Variants in RNASE3 observed in about 807,000 individuals in gnomAD.
RNASE3 encodes the protein eosinophil cationic protein.
For synonymous variants in RNASE3, 66 were observed against 72.0 expected, an observed-to-expected ratio of 0.92 and a Z score of 0.42; for missense variants, 192 against 205.3, an observed-to-expected ratio of 0.94 and a Z score of 0.40.
In RNASE3 at chr14:20,891,893, T is replaced by A. The variant is rs777363353; in HGVS notation, c.207T>A (p.Thr69=). 8 of 1,612,892 alleles carry A rather than the reference T, an allele frequency of 5.0e-6. No homozygotes were observed. The highest frequency in any genetic ancestry group is 6.8e-6 in the Non-Finnish European group (8 of 1,180,012). Residue 69 remains threonine (T), a synonymous_variant, in exon 2 of 2, where the codon ACT becomes ACA. Coordinates refer to ENST00000304639, the MANE Select transcript of RNASE3 (RefSeq NM_002935.3). ...GATGGCGTTGCAAAAACCAAAATAC[T>A]TTTCTTCGTACAACTTTTGCTAATG... ...NYRWRCKNQN[T]FLRTTFANVV...
chr14:20,891,502 C>G, intron 1 of RNASE3, 51 bp downstream of exon 1: 1 of 761,156 alleles, frequency 1.3e-6, no homozygotes, highest in South Asian at 1.8e-5. Flanking sequence ...GACAGGGCAG[C>G]ACCTGAGGGA....
rs1877562896 is a variant in RNASE3, at chr14:20,891,762, C to T, written c.76C>T (p.His26Tyr). ...GCTTATGGGTGTGGAGGGCTCACTC[C>T]ATGCCAGACCCCCACAGTTTACGAG... ...LGLMGVEGSL[H>Y]ARPPQFTRAQ... Residue 26 changes from histidine to tyrosine, a missense_variant, in exon 2 of 2, where the codon CAT (histidine) becomes TAT (tyrosine). Transcript: ENST00000304639. 6.2e-7 allele frequency: 1 copy of T among 1,612,748 alleles called. No individual in the cohort carries two copies. The highest frequency in any genetic ancestry group is 8.5e-7 in the Non-Finnish European group (1 of 1,180,012).
rs536513883 is a variant in RNASE3, at chr14:20,891,909, TTTGC to T, written c.225_228del (p.Phe75LeufsTer3). ...CCAAAATACTTTTCTTCGTACAACT[TTTGC>T]TAATGTAGTTAATGTTTGTGGTAAC... is the stretch of plus-strand genomic sequence containing the variant. On this transcript the variant is annotated frameshift_variant, in exon 2 of 2. Transcript: ENST00000304639. LOFTEE classifies it low-confidence loss of function (END_TRUNC). The T allele has an allele frequency of 1.2e-5, 19 of 1,612,876 alleles. 2 individuals are homozygous for T. The African/African-American group carries it at 2.4e-4, about 21-fold the overall frequency.
Position 20,892,061 on chromosome 14 carries a change from T to G in RNASE3, c.375T>G (p.Tyr125Ter), listed in dbSNP as rs754792205. 9.3e-6 allele frequency: 15 copies of G among 1,612,526 alleles called. No homozygotes were observed. Among genetic ancestry groups the G allele is most frequent in the Admixed American group, 1.7e-5 (1 of 59,912 alleles). The change falls in exon 2 of 2, where the codon TAT becomes TAG. Residue 125 changes from tyrosine (Y) to a stop codon, truncating the protein, a stop_gained. Transcript: ENST00000304639. LOFTEE classifies it low-confidence loss of function (END_TRUNC). Reference sequence around the variant, plus strand: ...CACAGAATATTTCAAACTGCACGTATGCAGACAGACCAGGAAGGAGGTTCT... The same window carrying G: ...CACAGAATATTTCAAACTGCACGTAGGCAGACAGACCAGGAAGGAGGTTCT... The part of the protein sequence containing the change: ...PGAQNISNCT[Y>*]ADRPGRRFYV...
At position 20,891,397 on chromosome 14, in the gene RNASE3, AC is replaced by A. The variant is rs1395673047; in HGVS notation, c.-56del. 7.5e-5 allele frequency: 34 copies of A among 451,774 alleles called. No individual in the cohort carries two copies. The highest frequency in any genetic ancestry group is 1.3e-4 in the Non-Finnish European group (33 of 256,610). 28.0% of individuals were successfully genotyped at this position (451,774 alleles called of 1,614,324 possible). A position where few individuals can be genotyped will look rare whatever the true frequency, so the allele number is the denominator to read the frequency against. On this transcript the variant is annotated 5_prime_UTR_variant, in exon 1 of 2. Coordinates refer to ENST00000304639, the MANE Select transcript of RNASE3 (RefSeq NM_002935.3). The stretch of plus-strand genomic sequence containing the variant: ...AGTAGGGGAGACCAGCTGCCCCTGA[AC>A]CCCAGAACAACCAGCTGGATCAGTT...
At chr14:20,891,609 G>T in intron 1 of RNASE3, 73 bp from the exon 2 acceptor site, 1 of 1,523,996 alleles carries the variant, frequency 6.6e-7, no homozygotes, top group Admixed American at 2.2e-5. Context: ...GGGGCCTGTG[G>T]GTTGAGACAC....
In RNASE3 at chr14:20,891,745, G is replaced by A. The variant is rs775879390; in HGVS notation, c.59G>A (p.Gly20Asp). The A allele has an allele frequency of 1.9e-6, 3 of 1,612,608 alleles. No individual in the cohort carries two copies. The highest frequency in any genetic ancestry group is 2.2e-5 in the East Asian group (1 of 44,864). ...ICLLLLLGLM[G>D]VEGSLHARPP... The stretch of plus-strand genomic sequence containing the variant: ...CTGCTTCTTCTGTTGGGGCTTATGG[G>A]TGTGGAGGGCTCACTCCATGCCAGA... Residue 20 changes from glycine (G) to aspartate (D), a missense_variant, in exon 2 of 2, where the codon GGT becomes GAT. Gly to Asp is a moderately conservative substitution (Grantham distance 94, BLOSUM62 -1). Transcript: ENST00000304639.
In RNASE3 at chr14:20,892,231, T is replaced by C; in HGVS notation, c.*62T>C. Reference sequence around the variant, plus strand: ...CCAAGCTCCTCAATCATAGCCAAGATCCCATCCCTCCATGTACTCTGGGTA... The same window carrying C: ...CCAAGCTCCTCAATCATAGCCAAGACCCCATCCCTCCATGTACTCTGGGTA... On this transcript the variant is annotated 3_prime_UTR_variant, in exon 2 of 2. Coordinates refer to ENST00000304639, the MANE Select transcript of RNASE3 (RefSeq NM_002935.3). The C allele has an allele frequency of 6.4e-7, 1 of 1,558,380 alleles. No homozygotes were observed. The highest frequency in any genetic ancestry group is 8.7e-7 in the Non-Finnish European group (1 of 1,154,846).
chr14:20,892,033 G>A lies in RNASE3; in HGVS notation c.347G>A (p.Gly116Asp). The change falls in exon 2 of 2, where the codon GGT (glycine) becomes GAT (aspartate). Residue 116 changes from glycine to aspartate, a missense_variant. Coordinates refer to ENST00000304639, the MANE Select transcript of RNASE3 (RefSeq NM_002935.3). ...CTCCACTGTGACCTCATAAATCCAG[G>A]TGCACAGAATATTTCAAACTGCACG... ...PLLHCDLINP[G>D]AQNISNCTYA... is the part of the protein sequence containing the mutation. 6.2e-7 allele frequency: 1 copy of A among 1,612,726 alleles called. No individual in the cohort carries two copies. The highest frequency in any genetic ancestry group is 8.5e-7 in the Non-Finnish European group (1 of 1,180,020).
At chr14:20,891,582 C>T (rs902988887) in intron 1 of RNASE3, 100 bp from the exon 2 acceptor site, 1 of 1,471,968 alleles carries the variant, frequency 6.8e-7, no homozygotes, top group Non-Finnish European at 9.1e-7. Context: ...GAAATGCGAC[C>T]CCAGAGTGGC....
chr14:20,891,886 A>G lies in RNASE3; in HGVS notation c.200A>G (p.Gln67Arg), dbSNP rs752396079. ...INNYRWRCKN[Q>R]NTFLRTTFAN... The stretch of plus-strand genomic sequence containing the variant: ...AATTATCGATGGCGTTGCAAAAACC[A>G]AAATACTTTTCTTCGTACAACTTTT... Residue 67 changes from glutamine (Q) to arginine (R), a missense_variant, in exon 2 of 2, where the codon CAA becomes CGA. Gln to Arg is a conservative substitution (Grantham distance 43). Transcript: ENST00000304639. 6 of 1,612,950 alleles carry G rather than the reference A, an allele frequency of 3.7e-6. No individual in the cohort carries two copies. The highest frequency in any genetic ancestry group is 1.4e-5 in the African/African-American group (1 of 73,870).
chr14:20,891,451 G>C lies in RNASE3; in HGVS notation c.-6G>C. ...CACAGGAGCCACAGCTCAGAGACTG[G>C]GTAAGTCAACAATCCCCAGAGCTGG... On this transcript the variant is annotated splice_region_variant and 5_prime_UTR_variant, in exon 1 of 2. Coordinates refer to ENST00000304639, the MANE Select transcript of RNASE3 (RefSeq NM_002935.3). 1 of 577,290 alleles carries C rather than the reference G, an allele frequency of 1.7e-6. No individual in the cohort carries two copies. 35.8% of individuals were successfully genotyped at this position (577,290 alleles called of 1,614,324 possible). A position where few individuals can be genotyped will look rare whatever the true frequency, so the allele number is the denominator to read the frequency against.
intron 1 of RNASE3, 94 bp from the exon 2 acceptor site, chr14:20,891,588 G>T: frequency 6.7e-7 from 1 of 1,486,864 alleles, no homozygotes; most frequent in Non-Finnish European, 9.0e-7. Context: ...CGACCCCAGA[G>T]TGGCAGCAGA....
In RNASE3 at chr14:20,891,403, G is replaced by A. The variant is rs1329914370; in HGVS notation, c.-54G>A. The A allele has an allele frequency of 7.3e-5, 34 of 464,728 alleles. No individual in the cohort carries two copies. The highest frequency in any genetic ancestry group is 1.2e-4 in the Non-Finnish European group (33 of 264,524). 28.8% of individuals were successfully genotyped at this position (464,728 alleles called of 1,614,324 possible). On this transcript the variant is annotated 5_prime_UTR_variant, in exon 1 of 2. Transcript: ENST00000304639. ...GGAGACCAGCTGCCCCTGAACCCCA[G>A]AACAACCAGCTGGATCAGTTCTCAC...
rs1324691796 is a variant in RNASE3 at position 20,892,122 on chromosome 14, T to C, written c.436T>C (p.Ser146Pro). ...VACDNRDPRD[S>P]PRYPVVPVHL... is the part of the protein sequence containing the mutation. ...ATGTGACAACAGAGATCCACGGGAT[T>C]CTCCACGGTATCCTGTGGTTCCAGT... Residue 146 changes from serine to proline, a missense_variant, in exon 2 of 2, where the codon TCT (serine) becomes CCT (proline). Coordinates refer to ENST00000304639, the MANE Select transcript of RNASE3 (RefSeq NM_002935.3). 6.2e-7 allele frequency: 1 copy of C among 1,612,270 alleles called. No individual in the cohort carries two copies. Among genetic ancestry groups the C allele is most frequent in the East Asian group, 2.2e-5 (1 of 44,880 alleles).
In RNASE3 at chr14:20,891,864, T is replaced by G. The variant is rs1400166609; in HGVS notation, c.178T>G (p.Tyr60Asp). The G allele has an allele frequency of 6.2e-7, 1 of 1,612,864 alleles. No individual in the cohort carries two copies. The highest frequency in any genetic ancestry group is 1.1e-5 in the South Asian group (1 of 91,060). Residue 60 changes from tyrosine to aspartate, a missense_variant, in exon 2 of 2, where the codon TAT (tyrosine) becomes GAT (aspartate). By Grantham distance (160) the Tyr-to-Asp change is radical. Coordinates refer to ENST00000304639, the MANE Select transcript of RNASE3 (RefSeq NM_002935.3). ...CTIAMRAINN[Y>D]RWRCKNQNTF... Reference sequence around the variant, plus strand: ...CATTGCAATGCGGGCAATTAACAATTATCGATGGCGTTGCAAAAACCAAAA... The same window carrying G: ...CATTGCAATGCGGGCAATTAACAATGATCGATGGCGTTGCAAAAACCAAAA...
Position 20,892,031 on chromosome 14 carries a change from A to G in RNASE3, c.345A>G (p.Pro115=). Residue 115 remains proline, a synonymous_variant, in exon 2 of 2, where the codon CCA becomes CCG. Coordinates refer to ENST00000304639, the MANE Select transcript of RNASE3 (RefSeq NM_002935.3). Reference sequence around the variant, plus strand: ...TACTCCACTGTGACCTCATAAATCCAGGTGCACAGAATATTTCAAACTGCA... The same window carrying G: ...TACTCCACTGTGACCTCATAAATCCGGGTGCACAGAATATTTCAAACTGCA... ...VPLLHCDLIN[P]GAQNISNCTY... The G allele has an allele frequency of 1.2e-6, 2 of 1,612,826 alleles. No homozygotes were observed. Among genetic ancestry groups the G allele is most frequent in the Non-Finnish European group, 1.7e-6 (2 of 1,180,008 alleles).
In RNASE3 at chr14:20,892,190, C is replaced by A. The variant is rs371338819; in HGVS notation, c.*21C>A. 23 of 1,587,262 alleles carry A rather than the reference C, an allele frequency of 1.4e-5. No homozygotes were observed. The highest frequency in any genetic ancestry group is 1.7e-5 in the Admixed American group (1 of 57,170). ...TCTAAGCTCCTGTATCAGCAGTCCT[C>A]ATCATCACTCATCTGCCAAGCTCCT... On this transcript the variant is annotated 3_prime_UTR_variant, in exon 2 of 2. Coordinates refer to ENST00000304639, the MANE Select transcript of RNASE3 (RefSeq NM_002935.3).
At position 20,891,813 on chromosome 14, in the gene RNASE3, A is replaced by T. The variant is rs760867669; in HGVS notation, c.127A>T (p.Ile43Phe). Reference protein sequence around the residue: ...TRAQWFAIQHISLNPPRCTIA... With the variant: ...TRAQWFAIQHFSLNPPRCTIA... ...GGCTCAGTGGTTTGCCATCCAGCAC[A>T]TCAGTCTGAACCCCCCTCGATGCAC... The change falls in exon 2 of 2, where the codon ATC becomes TTC. Residue 43 changes from isoleucine (I) to phenylalanine (F), a missense_variant. Transcript: ENST00000304639. 7 of 1,612,828 alleles carry T rather than the reference A, an allele frequency of 4.3e-6. No homozygotes were observed. Among genetic ancestry groups the T allele is most frequent in the Non-Finnish European group, 5.9e-6 (7 of 1,180,032 alleles).
Sources: allele counts gnomAD v4.1 joint callset, GRCh38; gene constraint gnomAD v4.1.1; transcripts MANE v1.5; gene names NCBI Gene and HGNC (gene_info 2026-07-23, HGNC 2026-07-21).